The following DNAJC17 variants were observed in gnomAD, a reference collection of about 807,000 sequenced individuals.
DNAJC17 encodes the protein dnaJ homolog subfamily C member 17.
Under a neutral mutation model 48.1 loss-of-function variants are expected in DNAJC17, and 35 were observed. The ratio of observed to expected loss-of-function variants is 0.73; its 90% CI spans 0.56 to 0.96. The LOEUF (loss-of-function observed/expected upper bound fraction) is 0.96, where lower values mean the gene tolerates loss of function less well. DNAJC17 is among the 50% of genes least tolerant of loss of function. The pLI is 0.00. For synonymous variants in DNAJC17, 117 were observed against 142.7 expected (o/e 0.82, Z 1.28); for missense variants, 355 against 377.1 (o/e 0.94, Z 0.48).
intron 6 of DNAJC17, 135 bp downstream of exon 6, chr15:40,776,061 A>T: frequency 2.7e-6 from 2 of 734,646 alleles, no homozygotes; most frequent in African/African-American, 3.5e-5. Context: ...GTGTCAGAGT[A>T]AGGTACCATA....
intron 1 of DNAJC17, among the ~76,000 whole-genome samples, chr15:40,806,480 G>C (rs1008225075): frequency 5.3e-5 from 8 of 152,068 alleles, no homozygotes; most frequent in Non-Finnish European, 1.0e-4. Context: ...GCCTCCCAAA[G>C]TGCTGAGATT....
At chr15:40,805,094 C>A (rs1265121175) in intron 1 of DNAJC17, among the ~76,000 whole-genome samples, 2 of 151,096 alleles carry the variant, frequency 1.3e-5, no homozygotes, top group African/African-American at 2.4e-5. Context: ...AAATAATTTG[C>A]AGGCAGGGCA....
chr15:40,770,475 C>G lies in DNAJC17; in HGVS notation c.793-2413G>C. The G allele has an allele frequency of 6.5e-7, 1 of 1,536,620 alleles. No individual in the cohort carries two copies. The highest frequency in any genetic ancestry group is 2.4e-5 in the East Asian group (1 of 40,850). On this transcript the variant is annotated intron_variant, in intron 10 of 10. Transcript: ENST00000220496. The surrounding 1 kb of genome is among the most constrained non-coding windows in gnomAD (Gnocchi z 5.0). ...ACCCTGGCTGCTCCTGAACACCTGT[C>G]TGCTGGCTCCCCTGGGCCCCATGGA...
chr15:40,797,351 T>C (rs990410532), intron 1 of DNAJC17, among the ~76,000 whole-genome samples: 3 of 151,830 alleles, frequency 2.0e-5, no homozygotes, highest in Non-Finnish European at 4.4e-5. Context: ...GCCTGGGCAA[T>C]AGAGCGAGAC....
At position 40,767,589 on chromosome 15, in the gene DNAJC17, G is replaced by C; in HGVS notation, c.*351C>G. On this transcript the variant is annotated 3_prime_UTR_variant, in exon 11 of 11. Coordinates refer to ENST00000220496, the MANE Select transcript of DNAJC17 (RefSeq NM_018163.3). ...CCCTCCTGCTTCGGGCCTGGGCCGA[G>C]GGCCTTGTGTAGGCCATGTTCCTCG... 1.7e-6 allele frequency: 1 copy of C among 596,002 alleles called. No individual in the cohort carries two copies. The highest frequency in any genetic ancestry group is 2.8e-6 in the Non-Finnish European group (1 of 356,058). 36.9% of individuals were successfully genotyped at this position (596,002 alleles called of 1,614,324 possible).
intron 1 of DNAJC17, among the ~76,000 whole-genome samples, chr15:40,803,092 A>G (rs778359783): frequency 3.2e-4 from 47 of 144,982 alleles, no homozygotes; most frequent in Non-Finnish European, 5.1e-4. Context: ...ACACAGAGAG[A>G]CCCTGGGTCA....
At chr15:40,804,146 T>TAG (rs796900886) in intron 1 of DNAJC17, among the ~76,000 whole-genome samples, 29 of 150,488 alleles carry the variant, frequency 1.9e-4, no homozygotes, top group African/African-American at 3.7e-4. Flanking sequence ...TTTTTATATA[T>TAG]AGAGAGAGAG....
At chr15:40,796,379 A>G in intron 1 of DNAJC17, among the ~76,000 whole-genome samples, 1 of 152,218 alleles carries the variant, frequency 6.6e-6, no homozygotes, top group East Asian at 1.9e-4. Flanking sequence ...TCATTTAAAT[A>G]GGTAGTCAGG....
chr15:40,790,112 A>G (rs777505760), intron 1 of DNAJC17, among the ~76,000 whole-genome samples: 8 of 152,198 alleles, frequency 5.3e-5, no homozygotes, highest in Admixed American at 5.2e-4. Flanking sequence ...TAAGCTGTTC[A>G]GAGCAGCTTA....
chr15:40,794,310 AC>A (rs1208618912), intron 1 of DNAJC17, among the ~76,000 whole-genome samples: 1 of 151,938 alleles, frequency 6.6e-6, no homozygotes, highest in East Asian at 1.9e-4. Flanking sequence ...AGATTGTGCC[AC>A]TGCACTCCAG....
chr15:40,806,524 C>T (rs930713613), intron 1 of DNAJC17, among the ~76,000 whole-genome samples: 1 of 152,030 alleles, frequency 6.6e-6, no homozygotes, highest in African/African-American at 2.4e-5. Context: ...GCCTAGTAGA[C>T]ACTAATTTTC....
At chr15:40,795,178 G>A (rs77318624) in intron 1 of DNAJC17, among the ~76,000 whole-genome samples, 6,855 of 151,712 alleles carry the variant, frequency 0.045, 524 homozygotes, top group African/African-American at 0.16. Context: ...TTAGGAGGCC[G>A]AGGCGGGAGG....
At chr15:40,805,279 G>C (rs1343684588) in intron 1 of DNAJC17, among the ~76,000 whole-genome samples, 2 of 151,472 alleles carry the variant, frequency 1.3e-5, no homozygotes, top group Non-Finnish European at 2.9e-5. Flanking sequence ...GGGAGGCTGA[G>C]GCAGGAGAAT....
At chr15:40,768,231 C>A (rs933319275) in intron 10 of DNAJC17, among the ~76,000 whole-genome samples, 169 bp from the exon 11 acceptor site, 1 of 152,060 alleles carries the variant, frequency 6.6e-6, no homozygotes, top group Non-Finnish European at 1.5e-5. Flanking sequence ...TCGCCTGTGT[C>A]CCCCAGAACA....
At chr15:40,788,845 T>G (rs2141957126) in intron 1 of DNAJC17, among the ~76,000 whole-genome samples, 1 of 152,048 alleles carries the variant, frequency 6.6e-6, no homozygotes, top group South Asian at 2.1e-4. Context: ...GGCAACAGAG[T>G]GAGATCCATC....
intron 1 of DNAJC17, chr15:40,780,600 G>A (rs1476630166): frequency 8.8e-6 from 3 of 340,916 alleles, no homozygotes; most frequent in African/African-American, 2.2e-5. Context: ...GATCACCTGA[G>A]GTCAGGAGTT....
At chr15:40,782,424 T>C (rs1015740988) in intron 1 of DNAJC17, among the ~76,000 whole-genome samples, 1 of 151,856 alleles carries the variant, frequency 6.6e-6, no homozygotes, top group Admixed American at 6.6e-5. Flanking sequence ...CTCTCTTAAA[T>C]ACATAGAAAG....
Position 40,776,204 on chromosome 15 carries a change from C to G in DNAJC17, c.470G>C (p.Arg157Thr), listed in dbSNP as rs751732790. The change falls in exon 6 of 11, where the codon AGG (arginine) becomes ACG (threonine). Residue 157 changes from arginine (R) to threonine (T), a missense_variant. By Grantham distance (71) the Arg-to-Thr change is moderately conservative. This residue lies in a region of DNAJC17 where 199 missense variants were observed against 199.9 expected (regional missense o/e 1.00). Coordinates refer to ENST00000220496, the MANE Select transcript of DNAJC17 (RefSeq NM_018163.3). ...GGGTGATAGACCTGCACCTCTCAAC[C>G]TCTGGTCACGCTCCTGGCGTATCTG... Reference protein sequence around the residue: ...REQIRQERDQRLRGKAENTEG... With the variant: ...REQIRQERDQTLRGKAENTEG... The G allele has an allele frequency of 5.0e-6, 8 of 1,613,722 alleles. No homozygotes were observed. The East Asian group carries it at 1.6e-4, about 31-fold the overall frequency.
chr15:40,786,952 C>T (rs1255704484), intron 1 of DNAJC17, among the ~76,000 whole-genome samples: 1 of 152,234 alleles, frequency 6.6e-6, no homozygotes, highest in Non-Finnish European at 1.5e-5. Flanking sequence ...AGAACATCAA[C>T]TACTGAATAG....
Sources: allele counts gnomAD v4.1 joint callset (sites outside exome capture counted in the v4.1 genomes callset), GRCh38; gene constraint gnomAD v4.1.1; regional missense constraint gnomAD v4.1.1; non-coding constraint Gnocchi (gnomAD v3.1); transcripts MANE v1.5; gene names NCBI Gene and HGNC (gene_info 2026-07-23, HGNC 2026-07-21).